The following ERC1 variants were observed in gnomAD, a reference collection of about 807,000 sequenced individuals.
ERC1 encodes the protein ELKS/RAB6-interacting/CAST family member 1.
In ERC1, 56 loss-of-function variants were observed where a neutral mutation model predicts 132.0. The observed-to-expected ratio is 0.42, with a 90% CI of 0.34 to 0.53. The LOEUF (loss-of-function observed/expected upper bound fraction) is 0.53, where lower values mean the gene tolerates loss of function less well. Among genes scored for constraint, ERC1 ranks in the 20% least tolerant of loss-of-function variants. The pLI is 0.03. For synonymous variants in ERC1, 478 were observed against 476.1 expected, an observed-to-expected ratio of 1.00 and a Z score of -0.05; for missense variants, 1,202 against 1,349.9, an observed-to-expected ratio of 0.89 and a Z score of 1.72.
intron 16 of ERC1, among the ~76,000 whole-genome samples, chr12:1,401,234 C>A (rs1211946260): frequency 6.6e-6 from 1 of 151,812 alleles, no homozygotes; most frequent in Non-Finnish European, 1.5e-5. Flanking sequence ...GCGCCCAGCC[C>A]TATTTTTGTA....
At chr12:1,144,637 TGTATATATATAC>T (rs1173228732) in intron 8 of ERC1, among the ~76,000 whole-genome samples, 2 of 145,438 alleles carry the variant, frequency 1.4e-5, no homozygotes, top group Non-Finnish European at 3.0e-5. Context: ...TATATATACG[TGTATATATATAC>T]GTATATATAT....
chr12:1,333,385 T>G (rs2083044428), intron 15 of ERC1, among the ~76,000 whole-genome samples: 1 of 141,110 alleles, frequency 7.1e-6, no homozygotes. Flanking sequence ...CAGGCTGGAG[T>G]GCAGTGGCGC....
rs779953034 is a variant in ERC1 at position 1,290,023 on chromosome 12, G to T, written c.2780+11G>T. 10 of 1,611,134 alleles carry T rather than the reference G, an allele frequency of 6.2e-6. No individual in the cohort carries two copies. In the Admixed American group the frequency reaches 1.7e-4, roughly 27 times the overall value. On this transcript the variant is annotated intron_variant, in intron 15 of 18. Coordinates refer to ENST00000360905, the MANE Select transcript of ERC1 (RefSeq NM_178040.4). ...AGTTCTGGAGATGAAGTAAGTGTTT[G>T]TAGTCTTATTCTTCAAGCATATGCT...
chr12:1,186,884 G>T (rs1371712986), intron 11 of ERC1, among the ~76,000 whole-genome samples: 2 of 152,136 alleles, frequency 1.3e-5, no homozygotes, highest in Admixed American at 1.3e-4. Context: ...AGGCTGGAGT[G>T]CAGTGGCACA....
At chr12:1,489,728 G>C (rs75160701) in intron 18 of ERC1, among the ~76,000 whole-genome samples, 2,471 of 152,264 alleles carry the variant, frequency 0.016, 76 homozygotes, top group African/African-American at 0.057. Flanking sequence ...CCCTTAGGGC[G>C]AGGGTCGCTC....
intron 15 of ERC1, among the ~76,000 whole-genome samples, chr12:1,321,112 C>T (rs187542646): frequency 2.6e-5 from 4 of 152,192 alleles, no homozygotes; most frequent in South Asian, 2.1e-4. Context: ...GGTAACATGG[C>T]GAGTGCGGGG....
chr12:1,215,205 A>G (rs190874092), intron 12 of ERC1, among the ~76,000 whole-genome samples: 281 of 152,312 alleles, frequency 1.8e-3, no homozygotes, highest in Non-Finnish European at 3.3e-3. Flanking sequence ...TATAATTGTC[A>G]TGGGCCAATG....
At chr12:1,029,806 GA>G (rs1967658179) in intron 2 of ERC1, among the ~76,000 whole-genome samples, 1 of 138,174 alleles carries the variant, frequency 7.2e-6, no homozygotes, top group Non-Finnish European at 1.5e-5. Context: ...GAAGTACAGT[GA>G]CGCAATCTCA....
rs1231551716 is a variant in ERC1 at position 1,113,488 on chromosome 12, G to A, written c.1401+1190G>A. On this transcript the variant is annotated intron_variant, in intron 6 of 18. Coordinates refer to ENST00000360905, the MANE Select transcript of ERC1 (RefSeq NM_178040.4). The stretch of plus-strand genomic sequence containing the variant: ...CCTATACTAGGCTGTGCACACATTT[G>A]TCAAAGTGTCAGCAAAAACTGCTTC... 2.0e-5 allele frequency among the ~76,000 whole-genome samples: 3 copies of A among 152,152 alleles called. No individual in the cohort carries two copies. The East Asian group carries it at 5.8e-4, about 29-fold the overall frequency.
chr12:997,305 A>G (rs1263697375), intron 1 of ERC1, among the ~76,000 whole-genome samples: 1 of 152,242 alleles, frequency 6.6e-6, no homozygotes, highest in Non-Finnish European at 1.5e-5. Flanking sequence ...ATTTATGTAT[A>G]CGTCAGCTAG....
intron 14 of ERC1, among the ~76,000 whole-genome samples, chr12:1,264,625 C>T (rs1437877505): frequency 6.6e-6 from 1 of 152,036 alleles, no homozygotes; most frequent in Non-Finnish European, 1.5e-5. Flanking sequence ...GATCGCACCA[C>T]TGCACTCCAG....
intron 7 of ERC1, among the ~76,000 whole-genome samples, chr12:1,121,542 G>A (rs1191881719): frequency 3.3e-5 from 5 of 152,192 alleles, no homozygotes; most frequent in African/African-American, 9.7e-5. Context: ...AGAGAAAGAT[G>A]TATTGATTGA....
intron 17 of ERC1, among the ~76,000 whole-genome samples, chr12:1,420,294 G>A (rs1361887605): frequency 6.6e-6 from 1 of 152,000 alleles, no homozygotes; most frequent in Non-Finnish European, 1.5e-5. Flanking sequence ...ATTCAATAGA[G>A]ATACAAATTT....
chr12:1,099,448 C>A (rs1224459975), intron 3 of ERC1, among the ~76,000 whole-genome samples: 1 of 152,160 alleles, frequency 6.6e-6, no homozygotes, highest in Non-Finnish European at 1.5e-5. Flanking sequence ...ACTCTAACTC[C>A]TGTTCATCCT....
chr12:1,222,707 G>A (rs905693868), intron 12 of ERC1, among the ~76,000 whole-genome samples: 2 of 151,976 alleles, frequency 1.3e-5, no homozygotes, highest in East Asian at 3.9e-4. Context: ...GACAATAGAA[G>A]CATCCTATTT....
intron 3 of ERC1, among the ~76,000 whole-genome samples, chr12:1,099,221 G>T (rs1944389327): frequency 6.6e-6 from 1 of 152,162 alleles, no homozygotes; most frequent in Non-Finnish European, 1.5e-5. Context: ...TAAAAAGAGT[G>T]AATGGGAGAG....
chr12:1,468,967 TCTC>T (rs1416060880), intron 18 of ERC1, among the ~76,000 whole-genome samples: 3 of 152,148 alleles, frequency 2.0e-5, no homozygotes, highest in East Asian at 1.9e-4. Flanking sequence ...CTGTAACTGT[TCTC>T]CTTCACGAAT....
At chr12:1,418,267 C>G (rs1251531293) in intron 17 of ERC1, among the ~76,000 whole-genome samples, 65 of 152,190 alleles carry the variant, frequency 4.3e-4, no homozygotes, top group Non-Finnish European at 7.3e-5. Context: ...ACAACAGAAG[C>G]AGGAAGGTCT....
intron 4 of ERC1, among the ~76,000 whole-genome samples, chr12:1,109,866 G>C (rs1192153850): frequency 6.6e-6 from 1 of 152,160 alleles, no homozygotes; most frequent in Non-Finnish European, 1.5e-5. Flanking sequence ...TGGCCAACAT[G>C]GCAAAACCCT....
Sources: allele counts gnomAD v4.1 joint callset (sites outside exome capture counted in the v4.1 genomes callset), GRCh38; gene constraint gnomAD v4.1.1; transcripts MANE v1.5; gene names NCBI Gene and HGNC (gene_info 2026-07-23, HGNC 2026-07-21).